Variants in EFHC2 observed in about 807,000 individuals in gnomAD.
EFHC2 encodes EF-hand domain containing 2.
EFHC2 carries 18 observed loss-of-function variants against 52.7 expected under a neutral mutation model. The ratio of observed to expected loss-of-function variants is 0.34; its 90% CI spans 0.24 to 0.51. The LOEUF (loss-of-function observed/expected upper bound fraction) is 0.51, where lower values mean the gene tolerates loss of function less well. Among genes scored for constraint, EFHC2 ranks in the 20% least tolerant of loss-of-function variants. EFHC2 has a pLI of 0.97. For missense variants in EFHC2, 513 were observed against 562.5 expected (o/e 0.91, Z 0.89); for synonymous variants, 203 against 204.1 (o/e 0.99, Z 0.04).
chrX:44,311,291 A>G (rs1476365223), intron 2 of EFHC2, among the ~76,000 whole-genome samples: 1 of 111,438 alleles, frequency 9.0e-6, no homozygotes, highest in Non-Finnish European at 1.9e-5. Flanking sequence ...CTAGGCTTCA[A>G]AAAAAAATGT....
chrX:44,261,754 C>CAAA (rs769527844), intron 3 of EFHC2, among the ~76,000 whole-genome samples: 27 of 32,354 alleles, frequency 8.3e-4, no homozygotes, highest in Admixed American at 1.5e-3. Context: ...ACTCATGGCT[C>CAAA]AAAAAAAAAA....
At chrX:44,220,098 CT>C (rs1358996633) in intron 11 of EFHC2, among the ~76,000 whole-genome samples, 1 of 111,852 alleles carries the variant, frequency 8.9e-6, no homozygotes, top group Non-Finnish European at 1.9e-5. Flanking sequence ...CCACTAATAG[CT>C]TCGTGTGTAG....
chrX:44,217,858 T>C (rs902287852), intron 11 of EFHC2, among the ~76,000 whole-genome samples: 3 of 112,304 alleles, frequency 2.7e-5, no homozygotes, highest in Non-Finnish European at 5.6e-5. Flanking sequence ...TTAGACTGTT[T>C]GTAACACAAA....
chrX:44,302,366 A>G (rs1390150528), intron 2 of EFHC2, among the ~76,000 whole-genome samples: 1 of 112,264 alleles, frequency 8.9e-6, no homozygotes, highest in Non-Finnish European at 1.9e-5. Context: ...TAGGTTTTAG[A>G]AAAGAGGGAA....
At chrX:44,254,446 A>C (rs2037476964) in intron 4 of EFHC2, among the ~76,000 whole-genome samples, 1 of 112,452 alleles carries the variant, frequency 8.9e-6, no homozygotes, top group African/African-American at 3.2e-5. Flanking sequence ...ATGGAGCTGA[A>C]AAACACAGCA....
intron 14 of EFHC2, among the ~76,000 whole-genome samples, chrX:44,160,116 C>T (rs1453353227): frequency 8.9e-6 from 1 of 111,888 alleles, no homozygotes; most frequent in Non-Finnish European, 1.9e-5. Context: ...TTCCACATTG[C>T]CTCTCAAAAG....
At chrX:44,325,666 C>T (rs2038047443) in intron 1 of EFHC2, among the ~76,000 whole-genome samples, 1 of 107,723 alleles carries the variant, frequency 9.3e-6, no homozygotes, top group Admixed American at 1.0e-4. Context: ...CTGTTTGCAA[C>T]CTCTATTTCA....
At position 44,274,788 on chromosome X, in the gene EFHC2, A is replaced by T. The variant is rs549278524; in HGVS notation, c.232-1952T>A. On this transcript the variant is annotated intron_variant, in intron 2 of 14. Transcript: ENST00000420999. ...GTACTTGTAGTCTCAGCTACTAGGG[A>T]GGCTGAGGTGGGAGGATTGCTTGAG... 1.9e-4 allele frequency among the ~76,000 whole-genome samples: 21 copies of T among 110,508 alleles called. No homozygotes were observed. In the South Asian group the frequency reaches 5.8e-3, roughly 31 times the overall value.
At chrX:44,207,435 C>T (rs1388169579) in intron 11 of EFHC2, among the ~76,000 whole-genome samples, 2 of 110,269 alleles carry the variant, frequency 1.8e-5, no homozygotes, top group Non-Finnish European at 3.8e-5. Context: ...TGCTTGAGCC[C>T]GAGAGGCGGA....
chrX:44,313,565 A>G (rs2037963635), intron 1 of EFHC2, among the ~76,000 whole-genome samples: 1 of 112,359 alleles, frequency 8.9e-6, no homozygotes, highest in African/African-American at 3.2e-5. Flanking sequence ...AGTGAAAAAT[A>G]GGAAACCACT....
intron 11 of EFHC2, among the ~76,000 whole-genome samples, chrX:44,193,379 G>A (rs942569984): frequency 9.1e-6 from 1 of 109,605 alleles, no homozygotes; most frequent in Non-Finnish European, 1.9e-5. Context: ...CACATGTCTC[G>A]GGACCTCCTC....
intron 4 of EFHC2, among the ~76,000 whole-genome samples, chrX:44,256,407 GA>G (rs1283545587): frequency 9.0e-6 from 1 of 111,212 alleles, no homozygotes; most frequent in African/African-American, 3.3e-5. Context: ...GACTAATAAA[GA>G]AAAAAAGTGA....
At chrX:44,154,956 C>T (rs2036596523) in intron 14 of EFHC2, among the ~76,000 whole-genome samples, 1 of 111,545 alleles carries the variant, frequency 9.0e-6, no homozygotes, top group African/African-American at 3.3e-5. Context: ...TTAAGAAAGC[C>T]ACAGCACAGC....
At chrX:44,333,995 G>A (rs1294562210) in intron 1 of EFHC2, among the ~76,000 whole-genome samples, 1 of 112,000 alleles carries the variant, frequency 8.9e-6, no homozygotes, top group Non-Finnish European at 1.9e-5. Context: ...GCAGAATGCA[G>A]AGATAAAAAG....
At chrX:44,202,784 G>A (rs751597310) in intron 11 of EFHC2, among the ~76,000 whole-genome samples, 9 of 111,185 alleles carry the variant, frequency 8.1e-5, no homozygotes, top group Non-Finnish European at 1.7e-4. Flanking sequence ...GGCAAGCACA[G>A]GGGACCAGTA....
Position 44,199,391 on chromosome X carries a change from A to G in EFHC2, c.1752-20827T>C, listed in dbSNP as rs142249899. The stretch of plus-strand genomic sequence containing the variant: ...TGAAGATCCATAATCCAAAATTAAC[A>G]TTTTTTCTTTATACATTACCCAGCC... On this transcript the variant is annotated intron_variant, in intron 11 of 14. Coordinates refer to ENST00000420999, the MANE Select transcript of EFHC2 (RefSeq NM_025184.4). Among the ~76,000 whole-genome samples, 774 of 112,571 alleles carry G rather than the reference A, an allele frequency of 6.9e-3. 4 individuals are homozygous for G. The highest frequency in any genetic ancestry group is 9.8e-3 in the Non-Finnish European group (521 of 53,286).
chrX:44,276,392 G>A (rs1296457703), intron 2 of EFHC2, among the ~76,000 whole-genome samples: 1 of 111,729 alleles, frequency 9.0e-6, no homozygotes, highest in Non-Finnish European at 1.9e-5. Context: ...TCATGCCACT[G>A]CATTCCAGCT....
At chrX:44,307,888 C>T (rs1285792261) in intron 2 of EFHC2, among the ~76,000 whole-genome samples, 1 of 109,471 alleles carries the variant, frequency 9.1e-6, no homozygotes, top group African/African-American at 3.3e-5. Flanking sequence ...GAGCCAAAAT[C>T]GCACCACTGC....
intron 1 of EFHC2, among the ~76,000 whole-genome samples, chrX:44,343,334 G>A (rs1182031951): frequency 1.8e-5 from 2 of 112,108 alleles, no homozygotes; most frequent in Admixed American, 1.9e-4. Flanking sequence ...CACCTATAAG[G>A]ACTCTCTCTA....
Sources: allele counts gnomAD v4.1 joint callset (sites outside exome capture counted in the v4.1 genomes callset), GRCh38; gene constraint gnomAD v4.1.1; transcripts MANE v1.5; gene names NCBI Gene and HGNC (gene_info 2026-07-23, HGNC 2026-07-21).